KCNQ3: variants seen among roughly 807,000 people sequenced by gnomAD.
KCNQ3 encodes the protein potassium voltage-gated channel subfamily KQT member 3.
In KCNQ3, 30 loss-of-function variants were observed where a neutral mutation model predicts 92.5. The ratio of observed to expected loss-of-function variants is 0.32; its 90% CI spans 0.24 to 0.44. The LOEUF (loss-of-function observed/expected upper bound fraction) is 0.44, where lower values mean the gene tolerates loss of function less well. KCNQ3 is among the 20% of genes least tolerant of loss of function. The pLI, the probability that KCNQ3 is intolerant of heterozygous loss-of-function variation, is 1.00. For missense variants in KCNQ3, 913 were observed against 1,140.3 expected (o/e 0.80, Z 2.87); for synonymous variants, 450 against 468.8 (o/e 0.96, Z 0.52).
chr8:132,386,861 A>G (rs1819904103), intron 1 of KCNQ3, among the ~76,000 whole-genome samples: 1 of 152,182 alleles, frequency 6.6e-6, no homozygotes, highest in Non-Finnish European at 1.5e-5. Context: ...GAAATTCTCT[A>G]AATACATTTT....
At chr8:132,196,951 G>A (rs1251626746) in intron 1 of KCNQ3, among the ~76,000 whole-genome samples, 2 of 151,664 alleles carry the variant, frequency 1.3e-5, no homozygotes, top group African/African-American at 2.4e-5. Context: ...CTTAACTATT[G>A]CAAGAGTGAA....
At chr8:132,347,977 TAAAAAAAAAAAAAAA>T (rs5895138) in intron 1 of KCNQ3, among the ~76,000 whole-genome samples, 2 of 78,102 alleles carry the variant, frequency 2.6e-5, no homozygotes, top group East Asian at 3.8e-4. Context: ...AGACTCCATC[TAAAAAAAAAAAAAAA>T]AAAAAAAAAG....
chr8:132,170,549 G>A (rs1000213017), intron 7 of KCNQ3, 121 bp from the exon 8 acceptor site: 5 of 700,426 alleles, frequency 7.1e-6, no homozygotes, highest in Non-Finnish European at 1.3e-5. Context: ...TGTGCATTGA[G>A]CCAACATTCA....
intron 1 of KCNQ3, among the ~76,000 whole-genome samples, chr8:132,462,235 G>C (rs1039425974): frequency 2.0e-5 from 3 of 151,956 alleles, no homozygotes. Flanking sequence ...GTCTTGCTTT[G>C]TTGCCCAGGT....
intron 1 of KCNQ3, among the ~76,000 whole-genome samples, chr8:132,259,389 A>G (rs541562109): frequency 6.6e-6 from 1 of 152,298 alleles, no homozygotes; most frequent in South Asian, 2.1e-4. Flanking sequence ...TAGAATAAGA[A>G]ACATAAAACC....
rs1166642331 is a variant in KCNQ3 at position 132,187,807 on chromosome 8, ATGGTGGTGGTGGTGGTGGTGG to A, written c.387-1647_387-1627del. On this transcript the variant is annotated intron_variant, in intron 1 of 14. Coordinates refer to ENST00000388996, the MANE Select transcript of KCNQ3 (RefSeq NM_004519.4). The stretch of plus-strand genomic sequence containing the variant: ...GGTGGTGGCGGTGGTGGTGATAGTG[ATGGTGGTGGTGGTGGTGGTGG>A]TGATTGTGGTGGTGGTGGTGGTAGT... Among the ~76,000 whole-genome samples the A allele has an allele frequency of 1.9e-4, 23 of 120,594 alleles. 1 individual carries two copies. Among genetic ancestry groups the A allele is most frequent in the African/African-American group, 7.2e-4 (21 of 29,054 alleles). The allele number at this position is 120,594 out of a possible 152,430, so 79.1% of individuals were successfully genotyped here. A position where few individuals can be genotyped will look rare whatever the true frequency, so the allele number is the denominator to read the frequency against.
intron 8 of KCNQ3, among the ~76,000 whole-genome samples, chr8:132,168,068 C>T (rs1487315719): frequency 6.6e-6 from 1 of 152,188 alleles, no homozygotes; most frequent in South Asian, 2.1e-4. Flanking sequence ...CCCAAACTTT[C>T]CCATTCTTTT....
intron 1 of KCNQ3, among the ~76,000 whole-genome samples, chr8:132,272,985 C>A (rs1445170532): frequency 4.6e-5 from 7 of 152,170 alleles, no homozygotes; most frequent in Non-Finnish European, 1.0e-4. Context: ...GTCCCTTCCA[C>A]CTATAATCCT....
intron 1 of KCNQ3, among the ~76,000 whole-genome samples, chr8:132,387,566 A>G (rs895534083): frequency 1.1e-4 from 17 of 152,210 alleles, no homozygotes; most frequent in African/African-American, 4.1e-4. Context: ...ATACATAAAA[A>G]TGTGAATTTT....
At chr8:132,234,131 TA>T (rs1814728458) in intron 1 of KCNQ3, among the ~76,000 whole-genome samples, 1 of 152,182 alleles carries the variant, frequency 6.6e-6, no homozygotes, top group Non-Finnish European at 1.5e-5. Flanking sequence ...CGAGCCTACA[TA>T]GCTCAACAGT....
chr8:132,430,859 C>A (rs1821231235), intron 1 of KCNQ3, among the ~76,000 whole-genome samples: 1 of 152,154 alleles, frequency 6.6e-6, no homozygotes, highest in Non-Finnish European at 1.5e-5. Flanking sequence ...CATGTTTGTC[C>A]CTGATGTCTC....
At chr8:132,386,452 T>C (rs1313919622) in intron 1 of KCNQ3, among the ~76,000 whole-genome samples, 5 of 152,152 alleles carry the variant, frequency 3.3e-5, no homozygotes, top group Non-Finnish European at 2.9e-5. Flanking sequence ...ATATTAATTA[T>C]AGCTAGTTCT....
chr8:132,372,789 T>C (rs1420839435), intron 1 of KCNQ3, among the ~76,000 whole-genome samples: 1 of 142,008 alleles, frequency 7.0e-6, no homozygotes, highest in Non-Finnish European at 1.5e-5. Flanking sequence ...AAAAAACGCT[T>C]AGAGCAGAGC....
At chr8:132,318,619 G>A (rs758319721) in intron 1 of KCNQ3, among the ~76,000 whole-genome samples, 10 of 152,206 alleles carry the variant, frequency 6.6e-5, no homozygotes, top group Admixed American at 4.6e-4. Flanking sequence ...GCTTGTCAGC[G>A]ATGCTGGGAG....
Position 132,121,903 on chromosome 8 carries a change from G to A in KCNQ3, c.*7359C>T, listed in dbSNP as rs1247873825. On this transcript the variant is annotated 3_prime_UTR_variant, in exon 15 of 15. Coordinates refer to ENST00000388996, the MANE Select transcript of KCNQ3 (RefSeq NM_004519.4). ...GTGAACCAGGTGAATAATTTATGAGGCATTATTTTCTGCCACTGACAGCTG... is the reference window on the plus strand; with the variant it reads ...GTGAACCAGGTGAATAATTTATGAGACATTATTTTCTGCCACTGACAGCTG... 2 of 152,068 alleles carry A rather than the reference G, an allele frequency of 1.3e-5. No individual in the cohort carries two copies. Among genetic ancestry groups the A allele is most frequent in the Non-Finnish European group, 2.9e-5 (2 of 68,038 alleles). 9.4% of individuals were successfully genotyped at this position (152,068 alleles called of 1,614,324 possible). A position where few individuals can be genotyped will look rare whatever the true frequency, so the allele number is the denominator to read the frequency against.
At chr8:132,154,191 A>C in intron 9 of KCNQ3, among the ~76,000 whole-genome samples, 1 of 15,036 alleles carries the variant, frequency 6.7e-5, no homozygotes. Context: ...AAAAGGGTAA[A>C]AGTTTTTTTT....
chr8:132,198,412 A>G (rs1190502740), intron 1 of KCNQ3, among the ~76,000 whole-genome samples: 1 of 152,242 alleles, frequency 6.6e-6, no homozygotes, highest in Non-Finnish European at 1.5e-5. Flanking sequence ...GCAGGAATAG[A>G]TAACTAATAC....
At chr8:132,411,456 G>A (rs1196549029) in intron 1 of KCNQ3, among the ~76,000 whole-genome samples, 7 of 152,180 alleles carry the variant, frequency 4.6e-5, no homozygotes, top group African/African-American at 1.7e-4. Flanking sequence ...GAAAGAGAAG[G>A]AGGTGGCCCT....
chr8:132,148,017 A>G (rs1825505934), intron 9 of KCNQ3, among the ~76,000 whole-genome samples: 1 of 152,242 alleles, frequency 6.6e-6, no homozygotes, highest in Non-Finnish European at 1.5e-5. Flanking sequence ...GTCACCTTCC[A>G]TATGCCAAAT....
Sources: gnomAD v4.1 joint callset for allele counts (sites outside exome capture counted in the v4.1 genomes callset) on GRCh38, gnomAD v4.1.1 for gene constraint, MANE v1.5 for transcripts, NCBI Gene and HGNC (gene_info 2026-07-23, HGNC 2026-07-21) for gene names.